CSMD1: variants seen among roughly 807,000 people sequenced by gnomAD.
The protein encoded by CSMD1 is CUB and sushi domain-containing protein 1.
Under a neutral mutation model 417.5 loss-of-function variants are expected in CSMD1, and 213 were observed. The observed-to-expected ratio is 0.51, with a 90% CI of 0.46 to 0.57. CSMD1 has a LOEUF of 0.57. CSMD1 is among the 20% of genes least tolerant of loss of function. CSMD1 has a pLI of 0.00. For synonymous variants in CSMD1, 2,862 were observed against 1,736.8 expected, an observed-to-expected ratio of 1.65 and a Z score of -16.11; for missense variants, 6,923 against 4,529.7, an observed-to-expected ratio of 1.53 and a Z score of -15.17.
chr8:3,538,177 T>C (rs1798281762), intron 10 of CSMD1, among the ~76,000 whole-genome samples: 1 of 151,974 alleles, frequency 6.6e-6, no homozygotes, highest in African/African-American at 2.4e-5. Context: ...ACATGACGGA[T>C]CAACTACACC....
intron 3 of CSMD1, among the ~76,000 whole-genome samples, chr8:4,142,812 G>C (rs921852116): frequency 6.6e-6 from 1 of 151,030 alleles, no homozygotes; most frequent in Non-Finnish European, 1.5e-5. Context: ...ATTTTTAAAA[G>C]CCTAACAGAG....
intron 1 of CSMD1, among the ~76,000 whole-genome samples, chr8:4,945,219 A>G (rs558653864): frequency 1.5e-3 from 226 of 152,296 alleles, no homozygotes; most frequent in African/African-American, 5.3e-3. Context: ...GATAGAAAGT[A>G]GAATGGTGAT....
intron 10 of CSMD1, among the ~76,000 whole-genome samples, chr8:3,521,686 G>C (rs762718468): frequency 1.3e-5 from 2 of 152,106 alleles, no homozygotes; most frequent in Non-Finnish European, 2.9e-5. Flanking sequence ...GATGTTAAAG[G>C]TCATCAACCA....
intron 2 of CSMD1, among the ~76,000 whole-genome samples, chr8:4,521,459 G>C (rs1342155069): frequency 1.3e-5 from 2 of 152,114 alleles, no homozygotes; most frequent in African/African-American, 4.8e-5. Context: ...ATTTTATGTT[G>C]TTCTTGAAGA....
intron 1 of CSMD1, among the ~76,000 whole-genome samples, chr8:4,843,833 G>C (rs772190269): frequency 6.6e-6 from 1 of 152,200 alleles, no homozygotes; most frequent in Non-Finnish European, 1.5e-5. Context: ...AAGCACAGGA[G>C]AGCTGAACCC....
At chr8:3,817,245 TC>T (rs1801429323) in intron 5 of CSMD1, among the ~76,000 whole-genome samples, 1 of 125,150 alleles carries the variant, frequency 8.0e-6, no homozygotes, top group Non-Finnish European at 1.6e-5. Flanking sequence ...GGTCATATCT[TC>T]TTCTTCTTTT....
At chr8:3,917,547 G>T (rs1350992924) in intron 5 of CSMD1, among the ~76,000 whole-genome samples, 1 of 152,076 alleles carries the variant, frequency 6.6e-6, no homozygotes, top group East Asian at 1.9e-4. Context: ...TACCTGGAAT[G>T]CCTTTTTTGA....
At chr8:4,214,744 T>C (rs907414330) in intron 3 of CSMD1, among the ~76,000 whole-genome samples, 18 of 152,204 alleles carry the variant, frequency 1.2e-4, no homozygotes, top group African/African-American at 4.1e-4. Context: ...CATATTCCCA[T>C]ATTTGACATA....
At chr8:4,559,113 G>A (rs1288118872) in intron 2 of CSMD1, among the ~76,000 whole-genome samples, 3 of 152,092 alleles carry the variant, frequency 2.0e-5, no homozygotes, top group African/African-American at 7.2e-5. Context: ...ATACTTCACT[G>A]GGGTTAAATA....
At chr8:3,391,786 T>A (rs1811365312) in intron 17 of CSMD1, among the ~76,000 whole-genome samples, 1 of 152,182 alleles carries the variant, frequency 6.6e-6, no homozygotes, top group Non-Finnish European at 1.5e-5. Context: ...CTGCAACACA[T>A]TTTGTCTGTA....
At chr8:4,597,110 A>T (rs1585307783) in intron 2 of CSMD1, among the ~76,000 whole-genome samples, 2 of 150,736 alleles carry the variant, frequency 1.3e-5, no homozygotes, top group Non-Finnish European at 2.9e-5. Context: ...ACAACACACA[A>T]TTTTTTTTTT....
chr8:3,230,345 T>C, intron 26 of CSMD1, 114 bp from the exon 27 acceptor site: 3 of 709,636 alleles, frequency 4.2e-6, no homozygotes, highest in Non-Finnish European at 6.6e-6. Context: ...ATAAGTCATT[T>C]GTCTACACAT....
chr8:4,460,227 A>G (rs1799730586), intron 2 of CSMD1, among the ~76,000 whole-genome samples: 1 of 152,188 alleles, frequency 6.6e-6, no homozygotes, highest in African/African-American at 2.4e-5. Flanking sequence ...AAGTTAAAAA[A>G]ATTTCTAAAA....
intron 5 of CSMD1, among the ~76,000 whole-genome samples, chr8:3,780,782 AAAAG>A (rs1411192188): frequency 6.6e-6 from 1 of 152,194 alleles, no homozygotes; most frequent in Non-Finnish European, 1.5e-5. Flanking sequence ...AGATTCATCT[AAAAG>A]AAAGTAATTC....
At chr8:3,636,096 GT>G (rs1368704065) in intron 7 of CSMD1, among the ~76,000 whole-genome samples, 1 of 151,884 alleles carries the variant, frequency 6.6e-6, no homozygotes, top group African/African-American at 2.4e-5. Flanking sequence ...ACTTTTTGAA[GT>G]TTTGTGTTAA....
intron 18 of CSMD1, among the ~76,000 whole-genome samples, chr8:3,378,190 C>G (rs564150599): frequency 1.9e-4 from 29 of 152,264 alleles, no homozygotes; most frequent in Admixed American, 1.3e-3. Context: ...ATAGTCTTGG[C>G]TAAACCAGGA....
At chr8:4,655,306 A>T (rs1182998759) in intron 1 of CSMD1, among the ~76,000 whole-genome samples, 3 of 152,098 alleles carry the variant, frequency 2.0e-5, no homozygotes, top group Non-Finnish European at 4.4e-5. Context: ...TGCCTGGCTG[A>T]TCCTAGTTCC....
chr8:3,691,375 A>G (rs1157830726), intron 7 of CSMD1, among the ~76,000 whole-genome samples: 1 of 152,046 alleles, frequency 6.6e-6, no homozygotes, highest in African/African-American at 2.4e-5. Flanking sequence ...TCAAAAAAAA[A>G]AACAAAACAA....
intron 1 of CSMD1, among the ~76,000 whole-genome samples, chr8:4,694,821 T>C (rs1204914059): frequency 6.6e-6 from 1 of 152,152 alleles, no homozygotes; most frequent in Non-Finnish European, 1.5e-5. Flanking sequence ...ACTTTCTAAA[T>C]TGACCGAGAC....
Sources: gnomAD v4.1 joint callset for allele counts (sites outside exome capture counted in the v4.1 genomes callset) on GRCh38, gnomAD v4.1.1 for gene constraint, MANE v1.5 for transcripts, NCBI Gene and HGNC (gene_info 2026-07-23, HGNC 2026-07-21) for gene names.